Variants in DST observed in about 807,000 individuals in gnomAD.
DST encodes the protein dystonin, also known as bullous pemphigoid antigen.
Under a neutral mutation model 875.2 loss-of-function variants are expected in DST, and 253 were observed. The ratio of observed to expected loss-of-function variants is 0.29; its 90% CI spans 0.26 to 0.32. The LOEUF is 0.32. DST is among the 10% of genes least tolerant of loss of function. The probability of loss-of-function intolerance (pLI) is 1.00; values close to 1 mark genes in which losing one functional copy is unlikely to be tolerated. For synonymous variants in DST, 3,124 were observed against 3,197.1 expected (o/e 0.98, Z 0.77); for missense variants, 8,287 against 9,111.6 (o/e 0.91, Z 3.68).
chr6:56,684,241 C>T (rs1372643911), intron 9 of DST, among the ~76,000 whole-genome samples: 2 of 152,162 alleles, frequency 1.3e-5, no homozygotes, highest in Non-Finnish European at 2.9e-5. Flanking sequence ...TCCCTGAAAG[C>T]TTATTCACTT....
At chr6:56,808,356 TA>T (rs1440506448) in intron 4 of DST, among the ~76,000 whole-genome samples, 1 of 151,746 alleles carries the variant, frequency 6.6e-6, no homozygotes, top group Admixed American at 6.6e-5. Context: ...ACTCCAGCAA[TA>T]AAGTTTGAGG....
intron 4 of DST, among the ~76,000 whole-genome samples, chr6:56,767,151 AGCTAAT>A (rs2099635483): frequency 6.6e-6 from 1 of 152,210 alleles, no homozygotes; most frequent in African/African-American, 2.4e-5. Context: ...TCTTGCACAC[AGCTAAT>A]GCTCTATCAG....
chr6:56,565,133 T>C (rs1328193722), intron 55 of DST, among the ~76,000 whole-genome samples: 2 of 149,848 alleles, frequency 1.3e-5, no homozygotes, highest in African/African-American at 4.9e-5. Flanking sequence ...TTCTTTTTTT[T>C]TTTTTGTGAC....
chr6:56,765,373 G>T (rs894879314), intron 4 of DST, among the ~76,000 whole-genome samples: 6 of 152,180 alleles, frequency 3.9e-5, no homozygotes, highest in African/African-American at 1.4e-4. Flanking sequence ...AACAGAACTT[G>T]CAAGTGTTAT....
Position 56,708,135 on chromosome 6 carries a change from A to G in DST, c.688-3766T>C, listed in dbSNP as rs969266317. 1.9e-4 allele frequency among the ~76,000 whole-genome samples: 29 copies of G among 152,200 alleles called. 1 individual carries two copies. The highest frequency in any genetic ancestry group is 4.4e-5 in the Non-Finnish European group (3 of 68,028). On this transcript the variant is annotated intron_variant, in intron 5 of 103. Transcript: ENST00000680361. ...GAAAACCTGTGATAAGGGAAAAGAC[A>G]TTTTAGTCCTGCTTCTGCCCTTGGC...
intron 58 of DST, among the ~76,000 whole-genome samples, 163 bp from the exon 59 acceptor site, chr6:56,557,681 T>C (rs1200816766): frequency 6.6e-6 from 1 of 152,168 alleles, no homozygotes; most frequent in Non-Finnish European, 1.5e-5. Flanking sequence ...TACGATTTTA[T>C]AGGTCTGATG....
chr6:56,573,153 T>C (rs2097802089), intron 51 of DST, 89 bp from the exon 52 acceptor site: 1 of 1,160,932 alleles, frequency 8.6e-7, no homozygotes, highest in Admixed American at 2.9e-5. Context: ...CCTAACAACA[T>C]AAGCTTGCAC....
chr6:56,871,665 A>G, intron 3 of DST: 2 of 725,788 alleles, frequency 2.8e-6, no homozygotes, highest in South Asian at 2.8e-5. Flanking sequence ...AATTGTTCCT[A>G]AACCAGAAGA....
At chr6:56,739,857 G>T (rs182152215) in intron 4 of DST, among the ~76,000 whole-genome samples, 38 of 152,216 alleles carry the variant, frequency 2.5e-4, no homozygotes, top group Non-Finnish European at 4.3e-4. Flanking sequence ...ATATCATCAA[G>T]AAATAACCAC....
chr6:56,467,854 G>T (rs1232629221), intron 98 of DST, among the ~76,000 whole-genome samples: 1 of 152,104 alleles, frequency 6.6e-6, no homozygotes, highest in Non-Finnish European at 1.5e-5. Flanking sequence ...TGTGCTTTCA[G>T]TGAGTAAAAC....
Position 56,506,601 on chromosome 6 carries a change from T to A in DST, c.19363-57A>T. 5 of 1,608,284 alleles carry A rather than the reference T, an allele frequency of 3.1e-6. No individual in the cohort carries two copies. The South Asian group carries it at 5.5e-5, about 18-fold the overall frequency. ...CCATATTTTAAACTTTCAACTACTG[T>A]TAACAAAATATTTTAGTTAACTAAA... On this transcript the variant is annotated intron_variant, in intron 76 of 103. Coordinates refer to ENST00000680361, the MANE Select transcript of DST (RefSeq NM_001374736.1).
chr6:56,673,392 T>C (rs1186151450), intron 9 of DST, among the ~76,000 whole-genome samples: 1 of 152,224 alleles, frequency 6.6e-6, no homozygotes, highest in Admixed American at 6.5e-5. Flanking sequence ...AGATAGTATG[T>C]ATAATGACAG....
intron 3 of DST, among the ~76,000 whole-genome samples, chr6:56,869,897 G>C (rs904514503): frequency 1.3e-5 from 2 of 151,862 alleles, no homozygotes; most frequent in African/African-American, 4.8e-5. Flanking sequence ...TGTTGCCCAG[G>C]CTAGTCTTGA....
chr6:56,882,065 C>T (rs767312568), intron 3 of DST, among the ~76,000 whole-genome samples: 8 of 152,104 alleles, frequency 5.3e-5, no homozygotes, highest in South Asian at 2.1e-4. Flanking sequence ...CTGGGACAAA[C>T]GTTTATGCTC....
At chr6:56,695,046 G>GA (rs2152865360) in intron 9 of DST, among the ~76,000 whole-genome samples, 1 of 148,838 alleles carries the variant, frequency 6.7e-6, no homozygotes, top group East Asian at 2.0e-4. Context: ...AGAGTCACTT[G>GA]AACCCAGGAG....
At chr6:56,848,353 C>T (rs931318325) in intron 4 of DST, among the ~76,000 whole-genome samples, 10 of 152,152 alleles carry the variant, frequency 6.6e-5, no homozygotes, top group African/African-American at 2.2e-4. Context: ...ATACTAAACT[C>T]TCAGCTCTTT....
chr6:56,757,680 C>A (rs1230277033), intron 4 of DST, among the ~76,000 whole-genome samples: 2 of 152,168 alleles, frequency 1.3e-5, no homozygotes, highest in Non-Finnish European at 2.9e-5. Flanking sequence ...TGGCATGAGC[C>A]CCTTGCCCCT....
intron 48 of DST, 82 bp from the exon 49 acceptor site, chr6:56,592,440 T>TA (rs2098294455): frequency 1.7e-6 from 2 of 1,150,712 alleles, no homozygotes; most frequent in Non-Finnish European, 2.4e-6. Context: ...ACCTATAAAA[T>TA]ATGTAACTTG....
intron 9 of DST, among the ~76,000 whole-genome samples, chr6:56,694,305 C>T (rs2099250464): frequency 6.6e-6 from 1 of 151,354 alleles, no homozygotes; most frequent in Non-Finnish European, 1.5e-5. Flanking sequence ...AATTGCCTTT[C>T]ACTAGGTAGT....
Sources: gnomAD v4.1 joint callset for allele counts (sites outside exome capture counted in the v4.1 genomes callset) on GRCh38, gnomAD v4.1.1 for gene constraint, MANE v1.5 for transcripts, NCBI Gene and HGNC (gene_info 2026-07-23, HGNC 2026-07-21) for gene names.